The following DUSP22 variants were observed in gnomAD, a reference collection of about 807,000 sequenced individuals.
The protein encoded by DUSP22 is dual specificity phosphatase 22, also known as dual specificity protein phosphatase 22.
Under a neutral mutation model 24.5 loss-of-function variants are expected in DUSP22, and 24 were observed. The ratio of observed to expected loss-of-function variants is 0.98; its 90% CI spans 0.71 to 1.38. The LOEUF (loss-of-function observed/expected upper bound fraction) is 1.38. Among genes scored for constraint, DUSP22 ranks in the 40% most tolerant of loss-of-function variants. DUSP22 has a pLI of 0.00. For synonymous variants in DUSP22, 160 were observed against 106.4 expected (o/e 1.50, Z -3.10); for missense variants, 330 against 269.2 (o/e 1.23, Z -1.58).
intron 3 of DUSP22, among the ~76,000 whole-genome samples, chr6:328,241 G>GTACACAACTTGC (rs1263946123): frequency 3.9e-5 from 6 of 152,298 alleles, no homozygotes; most frequent in African/African-American, 1.4e-4. Context: ...AGTCACAATT[G>GTACACAACTTGC]TGTACATCAG....
At chr6:333,383 T>C (rs1356228140) in intron 3 of DUSP22, among the ~76,000 whole-genome samples, 5 of 152,298 alleles carry the variant, frequency 3.3e-5, no homozygotes, top group Non-Finnish European at 5.9e-5. Flanking sequence ...AGGGCCTTTA[T>C]TGGAAGGTGT....
At chr6:328,626 ATT>A (rs1406721555) in intron 3 of DUSP22, among the ~76,000 whole-genome samples, 9 of 152,300 alleles carry the variant, frequency 5.9e-5, no homozygotes, top group Non-Finnish European at 1.3e-4. Context: ...GGAAGTTATT[ATT>A]TGTAGTACGG....
At chr6:293,606 C>A (rs1757194065) in intron 1 of DUSP22, among the ~76,000 whole-genome samples, 1 of 152,262 alleles carries the variant, frequency 6.6e-6, no homozygotes. Context: ...ACTGGGTCAG[C>A]AGTGGTTTGG....
chr6:309,679 A>AACACACACAC (rs759885887), intron 2 of DUSP22, among the ~76,000 whole-genome samples: 583 of 137,816 alleles, frequency 4.2e-3, no homozygotes, highest in Admixed American at 9.7e-3. Context: ...ACTCATGTAG[A>AACACACACAC]ACACACACAC....
chr6:306,345 G>C (rs1214657658), intron 2 of DUSP22, among the ~76,000 whole-genome samples: 3 of 152,298 alleles, frequency 2.0e-5, no homozygotes, highest in Non-Finnish European at 4.4e-5. Flanking sequence ...AATCATGAAA[G>C]GTTACTTTTT....
intron 3 of DUSP22, among the ~76,000 whole-genome samples, chr6:316,623 A>G (rs1407288965): frequency 6.6e-6 from 1 of 152,306 alleles, no homozygotes; most frequent in Non-Finnish European, 1.5e-5. Context: ...GAGCAATGAA[A>G]GGTTTCTCCC....
Position 335,177 on chromosome 6 carries a change from T to A in DUSP22, c.188+14T>A, listed in dbSNP as rs778625365. ...ATCTCAAAACCTGTAAGTTTCTTAT[T>A]TCTGTATTATTTGGAGACATTTAAA... On this transcript the variant is annotated intron_variant, in intron 4 of 6. Coordinates refer to ENST00000419235, the MANE Select transcript of DUSP22 (RefSeq NM_001286555.3). The A allele has an allele frequency of 3.7e-6, 6 of 1,612,574 alleles. No individual in the cohort carries two copies. The highest frequency in any genetic ancestry group is 5.1e-6 in the Non-Finnish European group (6 of 1,178,574).
intron 5 of DUSP22, 132 bp downstream of exon 5, chr6:346,060 G>A (rs375807479): frequency 9.1e-4 from 1,056 of 1,154,428 alleles, no homozygotes; most frequent in Middle Eastern, 6.3e-3. Flanking sequence ...TCTCAAACGC[G>A]TGCTCCATTT....
intron 3 of DUSP22, 72 bp from the exon 4 acceptor site, chr6:335,042 G>C: frequency 1.3e-6 from 2 of 1,535,418 alleles, no homozygotes; most frequent in Non-Finnish European, 1.8e-6. Context: ...TGTGTAAATA[G>C]TTCCTTAAAT....
chr6:311,798 T>A (rs910946244), intron 2 of DUSP22, 82 bp from the exon 3 acceptor site: 1 of 728,700 alleles, frequency 1.4e-6, no homozygotes, highest in Non-Finnish European at 1.9e-6. Flanking sequence ...ATTTTGTGGG[T>A]TTTTTTTTTT....
At chr6:347,713 C>G (rs1581195961) in intron 5 of DUSP22, among the ~76,000 whole-genome samples, 1 of 152,296 alleles carries the variant, frequency 6.6e-6, no homozygotes, top group Admixed American at 6.5e-5. Context: ...GCATTCTAAA[C>G]AAATGTAGGT....
At chr6:348,336 C>A in intron 6 of DUSP22, 62 bp downstream of exon 6, 1 of 1,601,816 alleles carries the variant, frequency 6.2e-7, no homozygotes. Context: ...TGCCCACAGT[C>A]TTTCCGTACA....
intron 4 of DUSP22, among the ~76,000 whole-genome samples, chr6:341,298 A>G (rs538398056): frequency 1.3e-5 from 2 of 152,424 alleles, no homozygotes; most frequent in African/African-American, 2.4e-5. Context: ...GAGCAGGAAC[A>G]GGGAACTTGT....
chr6:295,816 A>C (rs1375401564), intron 1 of DUSP22, among the ~76,000 whole-genome samples: 1 of 152,176 alleles, frequency 6.6e-6, no homozygotes, highest in Admixed American at 6.5e-5. Flanking sequence ...AAAAAAAAAA[A>C]AACCCAACAA....
intron 3 of DUSP22, among the ~76,000 whole-genome samples, chr6:331,892 G>A (rs1230291719): frequency 6.6e-6 from 1 of 152,302 alleles, no homozygotes; most frequent in Non-Finnish European, 1.5e-5. Context: ...GGATCACGCC[G>A]ACTGGCTCTC....
chr6:295,636 A>C (rs9405167), intron 1 of DUSP22, among the ~76,000 whole-genome samples: 6 of 152,162 alleles, frequency 3.9e-5, no homozygotes, highest in Non-Finnish European at 8.8e-5. Context: ...AAAAACCCAC[A>C]AAAACAAAGC....
At position 348,093 on chromosome 6, in the gene DUSP22, G is replaced by C. The variant is rs756129614; in HGVS notation, c.264-10G>C. 6 of 1,613,830 alleles carry C rather than the reference G, an allele frequency of 3.7e-6. No homozygotes were observed. In the Admixed American group the frequency reaches 1.0e-4, roughly 27 times the overall value. ...CTGCCCTCACACATGTGCTTCTCTT[G>C]GCCCCGCAGCCTGGCCGGGGTCTCC... is the stretch of plus-strand genomic sequence containing the variant. On this transcript the variant is annotated splice_polypyrimidine_tract_variant and intron_variant, in intron 5 of 6. Coordinates refer to ENST00000419235, the MANE Select transcript of DUSP22 (RefSeq NM_001286555.3).
Position 348,096 on chromosome 6 carries a change from C to A in DUSP22, c.264-7C>A, listed in dbSNP as rs200952897. ...CCCTCACACATGTGCTTCTCTTGGC[C>A]CCGCAGCCTGGCCGGGGTCTCCAGG... On this transcript the variant is annotated splice_region_variant and splice_polypyrimidine_tract_variant and intron_variant, in intron 5 of 6. Transcript: ENST00000419235. The A allele has an allele frequency of 6.2e-7, 1 of 1,613,842 alleles. No individual in the cohort carries two copies. The highest frequency in any genetic ancestry group is 1.7e-5 in the Admixed American group (1 of 60,028).
At chr6:312,423 C>T (rs903293346) in intron 3 of DUSP22, among the ~76,000 whole-genome samples, 1 of 152,278 alleles carries the variant, frequency 6.6e-6, no homozygotes, top group African/African-American at 2.4e-5. Flanking sequence ...CAGGGCCGCT[C>T]TAATGTGGAG....
Sources: gnomAD v4.1 joint callset for allele counts (sites outside exome capture counted in the v4.1 genomes callset) on GRCh38, gnomAD v4.1.1 for gene constraint, MANE v1.5 for transcripts, NCBI Gene and HGNC (gene_info 2026-07-23, HGNC 2026-07-21) for gene names.